The following HIKESHI variants were observed in gnomAD, a reference collection of about 807,000 sequenced individuals.
HIKESHI encodes the protein protein Hikeshi.
HIKESHI carries 13 observed loss-of-function variants against 25.7 expected under a neutral mutation model. The ratio of observed to expected loss-of-function variants is 0.51; its 90% CI spans 0.33 to 0.80. The LOEUF (loss-of-function observed/expected upper bound fraction) is 0.80. HIKESHI is among the 30% of genes least tolerant of loss of function. The pLI is 0.02. For missense variants in HIKESHI, 174 were observed against 229.5 expected (o/e 0.76, Z 1.56); for synonymous variants, 76 against 78.7 (o/e 0.97, Z 0.18).
chr11:86,338,714 G>C (rs1367235492), intron 3 of HIKESHI, among the ~76,000 whole-genome samples: 1 of 152,116 alleles, frequency 6.6e-6, no homozygotes, highest in African/African-American at 2.4e-5. Context: ...ACTGAATTGA[G>C]AATGACAGAC....
intron 2 of HIKESHI, among the ~76,000 whole-genome samples, chr11:86,317,928 A>G (rs971065629): frequency 6.6e-6 from 1 of 152,224 alleles, no homozygotes; most frequent in Non-Finnish European, 1.5e-5. Flanking sequence ...TACATTTGAA[A>G]TGACATAGGA....
chr11:86,322,439 A>G (rs1242201771), intron 2 of HIKESHI, among the ~76,000 whole-genome samples: 2 of 151,938 alleles, frequency 1.3e-5, no homozygotes, highest in Non-Finnish European at 2.9e-5. Context: ...GTGTATATGT[A>G]TATGTGTGTG....
chr11:86,304,539 C>T (rs1367676155), intron 1 of HIKESHI, among the ~76,000 whole-genome samples: 7 of 120,902 alleles, frequency 5.8e-5, no homozygotes, highest in South Asian at 2.7e-4. Context: ...TTTTTTGAGA[C>T]GGAGTCTTAC....
chr11:86,302,351 A>T lies in HIKESHI; in HGVS notation c.-98A>T. On this transcript the variant is annotated 5_prime_UTR_variant, in exon 1 of 5. Transcript: ENST00000278483. ...AGTGGAGGGGCAGACACCCTCCCGC[A>T]AATTCTGGAAGGTTCTTAGTCTCGA... 3 of 1,483,370 alleles carry T rather than the reference A, an allele frequency of 2.0e-6. No individual in the cohort carries two copies. The highest frequency in any genetic ancestry group is 2.8e-6 in the Non-Finnish European group (3 of 1,090,846). The allele number at this position is 1,483,370 out of a possible 1,614,324, so 91.9% of individuals were successfully genotyped here.
chr11:86,340,935 G>A (rs538013464), intron 3 of HIKESHI, among the ~76,000 whole-genome samples: 4 of 152,174 alleles, frequency 2.6e-5, no homozygotes, highest in African/African-American at 9.6e-5. Context: ...GAGCCATCAC[G>A]CCCAGCCTCA....
chr11:86,327,708 C>A (rs1159777868), intron 2 of HIKESHI, among the ~76,000 whole-genome samples: 1 of 152,132 alleles, frequency 6.6e-6, no homozygotes, highest in Non-Finnish European at 1.5e-5. Flanking sequence ...AGATCTACCG[C>A]TTTCAAACAG....
Position 86,337,545 on chromosome 11 carries a change from A to T in HIKESHI, c.420+15A>T, listed in dbSNP as rs765744747. 3 of 1,606,940 alleles carry T rather than the reference A, an allele frequency of 1.9e-6. No homozygotes were observed. Among genetic ancestry groups the T allele is most frequent in the Non-Finnish European group, 2.5e-6 (3 of 1,177,106 alleles). On this transcript the variant is annotated intron_variant, in intron 3 of 4. Transcript: ENST00000278483. ...CATTCACTCAGGTAATGCAACATAC[A>T]TTTCATTCTTTACCTCCCCCTCCAC...
At chr11:86,337,915 G>A (rs947209569) in intron 3 of HIKESHI, among the ~76,000 whole-genome samples, 9 of 151,848 alleles carry the variant, frequency 5.9e-5, no homozygotes, top group South Asian at 4.2e-4. Context: ...TTCCTGCCTC[G>A]GCCTCCCAAA....
intron 2 of HIKESHI, among the ~76,000 whole-genome samples, chr11:86,321,985 C>T (rs143835550): frequency 3.3e-5 from 5 of 151,422 alleles, no homozygotes; most frequent in African/African-American, 1.2e-4. Flanking sequence ...TGATATTGAG[C>T]AGTTTTCTTT....
intron 2 of HIKESHI, among the ~76,000 whole-genome samples, chr11:86,329,944 CTTTTT>C (rs1565736572): frequency 2.0e-5 from 3 of 151,836 alleles, no homozygotes; most frequent in Admixed American, 2.0e-4. Flanking sequence ...GCTGCCTTTT[CTTTTT>C]TTAACTTAGT....
chr11:86,341,638 C>T (rs1055609113), intron 3 of HIKESHI, among the ~76,000 whole-genome samples: 18 of 152,060 alleles, frequency 1.2e-4, no homozygotes, highest in African/African-American at 4.1e-4. Flanking sequence ...CATCACCAAA[C>T]CCACCTAACT....
intron 2 of HIKESHI, among the ~76,000 whole-genome samples, chr11:86,326,860 T>C (rs1947295081): frequency 6.6e-6 from 1 of 152,176 alleles, no homozygotes; most frequent in South Asian, 2.1e-4. Context: ...ATTGGGACTG[T>C]TGTATGGATG....
At chr11:86,313,447 G>T (rs1375329151) in intron 2 of HIKESHI, among the ~76,000 whole-genome samples, 4 of 152,120 alleles carry the variant, frequency 2.6e-5, no homozygotes, top group Non-Finnish European at 5.9e-5. Flanking sequence ...AGCCAGGCTG[G>T]TCTTGAACTC....
chr11:86,333,162 G>A (rs1467918962), intron 2 of HIKESHI, among the ~76,000 whole-genome samples: 2 of 152,168 alleles, frequency 1.3e-5, no homozygotes, highest in African/African-American at 4.8e-5. Flanking sequence ...TACCTACTAT[G>A]AATCTTCAAA....
chr11:86,327,796 T>C (rs535422978), intron 2 of HIKESHI, among the ~76,000 whole-genome samples: 1 of 152,340 alleles, frequency 6.6e-6, no homozygotes, highest in African/African-American at 2.4e-5. Context: ...ATTGTTTTAC[T>C]AGCAATGCTA....
At chr11:86,325,069 T>C (rs552062998) in intron 2 of HIKESHI, among the ~76,000 whole-genome samples, 5 of 151,952 alleles carry the variant, frequency 3.3e-5, no homozygotes, top group African/African-American at 1.2e-4. Context: ...GTCCCACTAC[T>C]TGGGAGGCTG....
intron 2 of HIKESHI, chr11:86,326,581 C>T: frequency 6.6e-6 from 3 of 455,994 alleles, no homozygotes. Context: ...TTAAATATCA[C>T]ACCAAGACAT....
intron 2 of HIKESHI, among the ~76,000 whole-genome samples, chr11:86,329,574 C>CTTTTTTTTTTTTTTTTT (rs71040232): frequency 2.8e-5 from 4 of 143,874 alleles, no homozygotes; most frequent in Non-Finnish European, 4.6e-5. Flanking sequence ...CCTGTGATTT[C>CTTTTTTTTTTTTTTTTT]TTTTTTTTTT....
At chr11:86,328,963 G>T (rs1055651686) in intron 2 of HIKESHI, among the ~76,000 whole-genome samples, 1 of 151,542 alleles carries the variant, frequency 6.6e-6, no homozygotes, top group South Asian at 2.1e-4. Flanking sequence ...TCACATGCTT[G>T]TAACTGCTGT....
Sources: allele counts gnomAD v4.1 joint callset (sites outside exome capture counted in the v4.1 genomes callset), GRCh38; gene constraint gnomAD v4.1.1; transcripts MANE v1.5; gene names NCBI Gene and HGNC (gene_info 2026-07-23, HGNC 2026-07-21).